ATF2: variants seen among roughly 807,000 people sequenced by gnomAD.
ATF2 encodes activating transcription factor 2.
A neutral mutation model predicts 60.6 loss-of-function variants in ATF2; 24 were observed. That is an observed-to-expected ratio of 0.40 (90% confidence interval 0.29 to 0.56). The LOEUF is 0.56. ATF2 is among the 20% of genes least tolerant of loss of function. The pLI is 0.54. For synonymous variants in ATF2, 206 were observed against 215.4 expected, an observed-to-expected ratio of 0.96 and a Z score of 0.38; for missense variants, 433 against 607.7, an observed-to-expected ratio of 0.71 and a Z score of 3.02.
chr2:175,139,633 A>G (rs1327245936), intron 2 of ATF2, among the ~76,000 whole-genome samples: 1 of 150,970 alleles, frequency 6.6e-6, no homozygotes, highest in Non-Finnish European at 1.5e-5. Flanking sequence ...AGATCGTGCC[A>G]CTGTGCTGCA....
chr2:175,148,856 C>T (rs909514973), intron 2 of ATF2, among the ~76,000 whole-genome samples: 1 of 152,102 alleles, frequency 6.6e-6, no homozygotes, highest in Non-Finnish European at 1.5e-5. Context: ...CCCCACCCCC[C>T]AAACTTCCAG....
chr2:175,105,242 T>C (rs907616964), intron 10 of ATF2, among the ~76,000 whole-genome samples: 3 of 152,142 alleles, frequency 2.0e-5, no homozygotes, highest in South Asian at 4.1e-4. Flanking sequence ...AAATCTTATA[T>C]TATTTTTTAA....
At position 175,118,094 on chromosome 2, in the gene ATF2, C is replaced by G; in HGVS notation, c.343G>C (p.Ala115Pro). 6.2e-7 allele frequency: 1 copy of G among 1,611,506 alleles called. No individual in the cohort carries two copies. Among genetic ancestry groups the G allele is most frequent in the African/African-American group, 1.3e-5 (1 of 74,802 alleles). ...ATTTTGCTTCTTATGATAGGTGTTG[C>G]AAGAGGGGATAAATCTAGAGGCATC... is the stretch of plus-strand genomic sequence containing the variant. ...KKMPLDLSPLATPIIRSKIEE... is the reference protein window; with the variant it reads ...KKMPLDLSPLPTPIIRSKIEE... The change falls in exon 7 of 14, where the codon GCA (alanine) becomes CCA (proline). Residue 115 changes from alanine (A) to proline (P), a missense_variant. Physicochemically the swap from Ala to Pro is conservative, Grantham distance 27. This residue lies in a region of ATF2 where 246 missense variants were observed against 309.3 expected (regional missense o/e 0.80). Coordinates refer to ENST00000264110, the MANE Select transcript of ATF2 (RefSeq NM_001880.4).
At chr2:175,096,441 TTATC>T (rs1440976985) in intron 11 of ATF2, among the ~76,000 whole-genome samples, 2 of 152,210 alleles carry the variant, frequency 1.3e-5, no homozygotes, top group Non-Finnish European at 2.9e-5. Flanking sequence ...GTGTGAATAT[TTATC>T]TACCTATTTC....
rs1308931373 is a variant in ATF2, at chr2:175,092,954, C to T, written c.1185+107G>A. 9.8e-6 allele frequency: 11 copies of T among 1,124,736 alleles called. No homozygotes were observed. In the Admixed American group the frequency reaches 1.8e-4, roughly 18 times the overall value. The allele number at this position is 1,124,736 out of a possible 1,614,324, so 69.7% of individuals were successfully genotyped here. ...GATTTACTATAGATTCCATACACAC[C>T]CAATATCATGTCCTAAAATGTTTGG... On this transcript the variant is annotated intron_variant, in intron 12 of 13. Transcript: ENST00000264110.
At position 175,097,444 on chromosome 2, in the gene ATF2, C is replaced by T. The variant is rs770319288; in HGVS notation, c.978G>A (p.Pro326=). The change falls in exon 11 of 14, where the codon CCG becomes CCA. Residue 326 remains proline (P), a splice_region_variant and synonymous_variant. Transcript: ENST00000264110. ...TGAATAATAAAAACAACACACATAC[C>T]GGAGTTTCTGTAGTGGATGTGGCTG... ...QQPATSTTET[P]ASPAHTTPQT... The T allele has an allele frequency of 9.9e-6, 16 of 1,613,466 alleles. No homozygotes were observed. The highest frequency in any genetic ancestry group is 6.7e-5 in the African/African-American group (5 of 74,872).
intron 2 of ATF2, among the ~76,000 whole-genome samples, chr2:175,138,850 A>G (rs1206800470): frequency 6.6e-6 from 1 of 152,100 alleles, no homozygotes; most frequent in Non-Finnish European, 1.5e-5. Context: ...TGCTTCTCCC[A>G]CCCCATTCTA....
chr2:175,148,571 C>T (rs1055959044), intron 2 of ATF2, among the ~76,000 whole-genome samples: 7 of 152,124 alleles, frequency 4.6e-5, no homozygotes, highest in Non-Finnish European at 1.0e-4. Context: ...GTGGAGGTCC[C>T]ACAGGCCTCA....
chr2:175,166,204 A>G (rs1437006701), intron 1 of ATF2, among the ~76,000 whole-genome samples: 3 of 152,218 alleles, frequency 2.0e-5, no homozygotes, highest in Non-Finnish European at 4.4e-5. Context: ...AATACATAAC[A>G]ACTAAGTTCT....
rs1693135798 is a variant in ATF2, at chr2:175,074,391, A to G, written c.*218T>C. 5.3e-6 allele frequency: 2 copies of G among 374,814 alleles called. No homozygotes were observed. The highest frequency in any genetic ancestry group is 6.1e-5 in the South Asian group (1 of 16,290). The allele number at this position is 374,814 out of a possible 1,614,324, so 23.2% of individuals were successfully genotyped here. Reference sequence around the variant, plus strand: ...CAGAAAAATTAATAAATCTAATAATATTTATAAAAAAAGCAAAATCAGTCT... The same window carrying G: ...CAGAAAAATTAATAAATCTAATAATGTTTATAAAAAAAGCAAAATCAGTCT... On this transcript the variant is annotated 3_prime_UTR_variant, in exon 14 of 14. Transcript: ENST00000264110.
intron 12 of ATF2, among the ~76,000 whole-genome samples, chr2:175,092,047 C>T (rs1341598457): frequency 1.3e-5 from 2 of 152,026 alleles, no homozygotes; most frequent in Non-Finnish European, 2.9e-5. Context: ...TCTATCATGT[C>T]AATATTCAAA....
rs569920250 is a variant in ATF2 at position 175,148,911 on chromosome 2, T to C, written c.-44+2149A>G. Among the ~76,000 whole-genome samples the C allele has an allele frequency of 4.6e-5, 7 of 152,266 alleles. No individual in the cohort carries two copies. The South Asian group carries it at 1.2e-3, about 27-fold the overall frequency. ...CCAATCAATGCACATTTTAAATGTA[T>C]TGATTGATGTCTTATGTCTCCCTAA... is the stretch of plus-strand genomic sequence containing the variant. On this transcript the variant is annotated intron_variant, in intron 2 of 13. Coordinates refer to ENST00000264110, the MANE Select transcript of ATF2 (RefSeq NM_001880.4).
chr2:175,126,747 T>C (rs1035501050), intron 4 of ATF2: 1 of 152,150 alleles, frequency 6.6e-6, no homozygotes, highest in Non-Finnish European at 1.5e-5. Context: ...AAGGGCTTTT[T>C]TGAGTCTCCA....
intron 4 of ATF2, among the ~76,000 whole-genome samples, chr2:175,127,916 G>T (rs1181973665): frequency 2.6e-5 from 4 of 152,106 alleles, no homozygotes; most frequent in Non-Finnish European, 5.9e-5. Flanking sequence ...TCACCAGAAT[G>T]ACTAAAACTT....
chr2:175,088,821 C>A (rs552819250), intron 12 of ATF2, among the ~76,000 whole-genome samples: 2 of 150,878 alleles, frequency 1.3e-5, no homozygotes, highest in South Asian at 2.1e-4. Context: ...CAAGACAAAG[C>A]TATAAACAGG....
intron 1 of ATF2, among the ~76,000 whole-genome samples, chr2:175,159,196 A>G (rs1004852684): frequency 1.3e-5 from 2 of 151,988 alleles, no homozygotes; most frequent in Non-Finnish European, 2.9e-5. Flanking sequence ...GGCGGAGACT[A>G]TAGTTCCAGC....
intron 1 of ATF2, among the ~76,000 whole-genome samples, chr2:175,155,014 G>A (rs1421451528): frequency 1.3e-5 from 2 of 152,192 alleles, no homozygotes; most frequent in Admixed American, 6.5e-5. Context: ...CAGGAGGTAG[G>A]CAGGAGGTGG....
intron 1 of ATF2, among the ~76,000 whole-genome samples, chr2:175,167,363 C>T (rs1410083803): frequency 3.3e-5 from 5 of 152,180 alleles, no homozygotes; most frequent in Non-Finnish European, 7.4e-5. Flanking sequence ...TCAGTCTGCA[C>T]CCACACCTAA....
chr2:175,130,008 T>A, intron 4 of ATF2, 130 bp downstream of exon 4: 2 of 669,270 alleles, frequency 3.0e-6, no homozygotes, highest in Admixed American at 4.0e-5. Flanking sequence ...GTTTCCTGGG[T>A]TTTTTTTCAT....
Sources: gnomAD v4.1 joint callset for allele counts (sites outside exome capture counted in the v4.1 genomes callset) on GRCh38, gnomAD v4.1.1 for gene constraint, gnomAD v4.1.1 regional missense constraint, MANE v1.5 for transcripts, NCBI Gene and HGNC (gene_info 2026-07-23, HGNC 2026-07-21) for gene names.